Variants in SMARCC1 observed in about 807,000 individuals in gnomAD.
SMARCC1 encodes SWI/SNF related BAF chromatin remodeling complex subunit C1.
A neutral mutation model predicts 147.4 loss-of-function variants in SMARCC1; 43 were observed. That is an observed-to-expected ratio of 0.29 (90% CI 0.23 to 0.38). SMARCC1 has a LOEUF of 0.38. Ranked by LOEUF, SMARCC1 falls within the 10% of genes least tolerant of loss-of-function variation. The probability of loss-of-function intolerance (pLI) is 1.00; values close to 1 mark genes in which losing one functional copy is unlikely to be tolerated. For synonymous variants in SMARCC1, 495 were observed against 484.4 expected (o/e 1.02, Z -0.29); for missense variants, 1,119 against 1,381.1 (o/e 0.81, Z 3.01).
At position 47,590,837 on chromosome 3, in the gene SMARCC1, C is replaced by T; in HGVS notation, c.3044G>A (p.Gly1015Asp). 6.2e-7 allele frequency: 1 copy of T among 1,600,556 alleles called. No homozygotes were observed. The highest frequency in any genetic ancestry group is 8.5e-7 in the Non-Finnish European group (1 of 1,174,942). ...CATGGAACCTGGGCCTGGTATCTGA[C>T]CTGTGGAGGGAGATTTAAAGTACTG... ...QMPPPHPPQP[G>D]QIPGPGSMMP... The change falls in exon 27 of 28, where the codon GGT (glycine) becomes GAT (aspartate). Residue 1015 changes from glycine to aspartate, a missense_variant and splice_region_variant. Coordinates refer to ENST00000254480, the MANE Select transcript of SMARCC1 (RefSeq NM_003074.4).
At chr3:47,612,383 G>A (rs2032576343) in intron 25 of SMARCC1, among the ~76,000 whole-genome samples, 1 of 152,196 alleles carries the variant, frequency 6.6e-6, no homozygotes, top group African/African-American at 2.4e-5. Context: ...CAGCTTGGCT[G>A]TAGTCCTACT....
chr3:47,765,342 G>A (rs1304422863), intron 2 of SMARCC1, among the ~76,000 whole-genome samples: 9 of 151,552 alleles, frequency 5.9e-5, no homozygotes, highest in East Asian at 3.9e-4. Flanking sequence ...GAACACATAC[G>A]TTTGTTAGGG....
Position 47,778,279 on chromosome 3 carries a change from G to GT in SMARCC1, c.195+3323dup, listed in dbSNP as rs528243088. 3.9e-3 allele frequency among the ~76,000 whole-genome samples: 580 copies of GT among 149,672 alleles called. 5 individuals carry two copies. Among genetic ancestry groups the GT allele is most frequent in the African/African-American group, 0.012 (506 of 40,688 alleles). ...TTCTATGTCATAAACAATTAATCTGGTTTTTTTTTGTTTTTGTTTTTTGTT... is the reference window on the plus strand; with the variant it reads ...TTCTATGTCATAAACAATTAATCTGGTTTTTTTTTTGTTTTTGTTTTTTGTT... On this transcript the variant is annotated intron_variant, in intron 1 of 27. Transcript: ENST00000254480.
chr3:47,730,036 G>A (rs373375642), intron 5 of SMARCC1, among the ~76,000 whole-genome samples: 1 of 152,086 alleles, frequency 6.6e-6, no homozygotes, highest in African/African-American at 2.4e-5. Flanking sequence ...AAAATTAGCT[G>A]GGCGTGGTGG....
At chr3:47,668,189 T>C (rs1467299684) in intron 19 of SMARCC1, among the ~76,000 whole-genome samples, 2 of 152,182 alleles carry the variant, frequency 1.3e-5, no homozygotes, top group East Asian at 1.9e-4. Context: ...CATGGCCTTT[T>C]ATAGCTACTT....
rs1164422682 is a variant in SMARCC1 at position 47,671,090 on chromosome 3, C to G, written c.1840-373G>C. On this transcript the variant is annotated intron_variant, in intron 18 of 27. Coordinates refer to ENST00000254480, the MANE Select transcript of SMARCC1 (RefSeq NM_003074.4). ...GTCCCAGCTGCTCCAGTGACTGAGG[C>G]AAGAGAACCCAGGAGGCAGAGGTTG... is the stretch of plus-strand genomic sequence containing the variant. Among the ~76,000 whole-genome samples, 3 of 142,396 alleles carry G rather than the reference C, an allele frequency of 2.1e-5. No individual in the cohort carries two copies. In the East Asian group the frequency reaches 6.5e-4, roughly 31 times the overall value. The allele number at this position is 142,396 out of a possible 152,430, so 93.4% of individuals were successfully genotyped here.
rs781044156 is a variant in SMARCC1 at position 47,610,081 on chromosome 3, G to T, written c.3028C>A (p.His1010Asn). The change falls in exon 26 of 28, where the codon CAT becomes AAT. Residue 1010 changes from histidine (H) to asparagine (N), a missense_variant. His to Asn is a moderately conservative substitution (Grantham distance 68). Transcript: ENST00000254480. Reference sequence around the variant, plus strand: ...TTCCTCTTACCTGGCTGGGGTGGATGAGGTGGTGGCATCTGGTGGTGCATC... The same window carrying T: ...TTCCTCTTACCTGGCTGGGGTGGATTAGGTGGTGGCATCTGGTGGTGCATC... ...PLMHHQMPPP[H>N]PPQPGQIPGP... 1.2e-6 allele frequency: 2 copies of T among 1,612,596 alleles called. No individual in the cohort carries two copies.
rs371162875 is a variant in SMARCC1, at chr3:47,716,064, T to C, written c.717-1574A>G. ...GTAAACTATGAAACCAAATGACATCTAGTATGATGACAAGTATTAGCTTCC... is the reference window on the plus strand; with the variant it reads ...GTAAACTATGAAACCAAATGACATCCAGTATGATGACAAGTATTAGCTTCC... On this transcript the variant is annotated intron_variant, in intron 7 of 27. Transcript: ENST00000254480. Among the ~76,000 whole-genome samples the C allele has an allele frequency of 2.3e-4, 35 of 151,330 alleles. No individual in the cohort carries two copies. In the South Asian group the frequency reaches 6.9e-3, roughly 30 times the overall value.
intron 2 of SMARCC1, among the ~76,000 whole-genome samples, chr3:47,749,575 A>C (rs544833619): frequency 9.3e-5 from 14 of 149,956 alleles, no homozygotes; most frequent in African/African-American, 3.4e-4. Context: ...GCTGAGGTAA[A>C]TGGATTGCTT....
At chr3:47,600,922 G>GGCA (rs1202384886) in intron 26 of SMARCC1, among the ~76,000 whole-genome samples, 1 of 146,856 alleles carries the variant, frequency 6.8e-6, no homozygotes, top group African/African-American at 2.5e-5. Flanking sequence ...AGCAAACAAA[G>GGCA]TAAAGGATGT....
chr3:47,598,862 GACACACACAC>G lies in SMARCC1; in HGVS notation c.3044-8035_3044-8026del, dbSNP rs113400730. On this transcript the variant is annotated intron_variant, in intron 26 of 27. Transcript: ENST00000254480. The stretch of plus-strand genomic sequence containing the variant: ...AAAAAAAAAAAAAAAGAGAGAGAGA[GACACACACAC>G]ACACACACACACACACAGAGACAAA... Among the ~76,000 whole-genome samples the G allele has an allele frequency of 3.5e-4, 45 of 128,124 alleles. 1 individual carries two copies. Among genetic ancestry groups the G allele is most frequent in the Admixed American group, 3.2e-3 (37 of 11,576 alleles). 84.1% of individuals were successfully genotyped at this position (128,124 alleles called of 152,430 possible).
intron 19 of SMARCC1, chr3:47,663,830 C>T: frequency 4.4e-6 from 7 of 1,579,608 alleles, no homozygotes; most frequent in Non-Finnish European, 6.1e-6. Context: ...GGGCAACAGC[C>T]AGCGCTCTCA....
At chr3:47,709,559 G>A (rs969283426) in intron 9 of SMARCC1, among the ~76,000 whole-genome samples, 2 of 151,986 alleles carry the variant, frequency 1.3e-5, no homozygotes, top group African/African-American at 4.8e-5. Context: ...GGTGGCACGT[G>A]CCTGTAGTCC....
intron 1 of SMARCC1, among the ~76,000 whole-genome samples, chr3:47,778,216 A>T (rs2035000706): frequency 6.7e-6 from 1 of 148,270 alleles, no homozygotes; most frequent in African/African-American, 2.5e-5. Flanking sequence ...AAAACAAAAA[A>T]CAAAAAAAAC....
intron 22 of SMARCC1, among the ~76,000 whole-genome samples, chr3:47,638,440 C>A (rs917768881): frequency 1.3e-5 from 2 of 152,138 alleles, no homozygotes; most frequent in African/African-American, 4.8e-5. Context: ...TATTCATATT[C>A]CCTCTTCTTT....
chr3:47,666,421 T>C lies in SMARCC1; in HGVS notation c.1900-3829A>G, dbSNP rs2033420825. ...AAGCAGACTATGAATTCCTTAAAGGTACAGATTGTGTTCTACAGATCTCTA... is the reference window on the plus strand; with the variant it reads ...AAGCAGACTATGAATTCCTTAAAGGCACAGATTGTGTTCTACAGATCTCTA... On this transcript the variant is annotated intron_variant, in intron 19 of 27. Transcript: ENST00000254480. Among the ~76,000 whole-genome samples the C allele has an allele frequency of 2.0e-5, 3 of 150,594 alleles. No homozygotes were observed. The South Asian group carries it at 6.3e-4, about 32-fold the overall frequency.
chr3:47,638,866 CAAATAT>C, intron 21 of SMARCC1, 86 bp from the exon 22 acceptor site: 1 of 903,242 alleles, frequency 1.1e-6, no homozygotes, highest in Non-Finnish European at 1.9e-6. Context: ...GTCTGAAATA[CAAATAT>C]ATACAGTAAT....
intron 1 of SMARCC1, among the ~76,000 whole-genome samples, chr3:47,780,241 G>C (rs1423054672): frequency 1.6e-5 from 2 of 122,420 alleles, no homozygotes; most frequent in East Asian, 5.2e-4. Flanking sequence ...GTGCAATCTC[G>C]GCTCACTGCA....
intron 2 of SMARCC1, among the ~76,000 whole-genome samples, chr3:47,751,851 AG>A (rs931584871): frequency 1.3e-5 from 2 of 152,122 alleles, no homozygotes; most frequent in African/African-American, 4.8e-5. Context: ...TGGGAGGCAG[AG>A]GAGGGTGGAT....
Sources: allele counts gnomAD v4.1 joint callset (sites outside exome capture counted in the v4.1 genomes callset), GRCh38; gene constraint gnomAD v4.1.1; transcripts MANE v1.5; gene names NCBI Gene and HGNC (gene_info 2026-07-23, HGNC 2026-07-21).